The following INPP5B variants were observed in gnomAD, a reference collection of about 807,000 sequenced individuals.
The protein encoded by INPP5B is type II inositol 1,4,5-trisphosphate 5-phosphatase.
In INPP5B, 90 loss-of-function variants were observed where a neutral mutation model predicts 118.5. That is an observed-to-expected ratio of 0.76 (90% confidence interval 0.64 to 0.90). The LOEUF (loss-of-function observed/expected upper bound fraction) is 0.90, where lower values mean the gene tolerates loss of function less well. Among genes scored for constraint, INPP5B ranks in the 40% least tolerant of loss-of-function variants. The pLI, the probability that INPP5B is intolerant of heterozygous loss-of-function variation, is 0.00. For synonymous variants in INPP5B, 385 were observed against 418.9 expected (o/e 0.92, Z 0.99); for missense variants, 984 against 1,125.6 (o/e 0.87, Z 1.80).
intron 9 of INPP5B, 76 bp downstream of exon 9, chr1:37,889,481 T>G: frequency 9.0e-7 from 1 of 1,115,380 alleles, no homozygotes; most frequent in Non-Finnish European, 1.3e-6. Context: ...AATCCAGGTA[T>G]AGGAGGAAGT....
At chr1:37,872,872 G>A in intron 19 of INPP5B, 58 bp downstream of exon 19, 1 of 1,337,856 alleles carries the variant, frequency 7.5e-7, no homozygotes. Flanking sequence ...GGAATATCTT[G>A]TTTGACTGGC....
At chr1:37,919,437 A>G (rs1237792230) in intron 7 of INPP5B, among the ~76,000 whole-genome samples, 1 of 152,134 alleles carries the variant, frequency 6.6e-6, no homozygotes, top group Non-Finnish European at 1.5e-5. Context: ...TTAAGTGAGT[A>G]GGTTCAATGT....
rs34131982 is a variant in INPP5B at position 37,872,063 on chromosome 1, C to CAA, written c.2187+865_2187+866dup. On this transcript the variant is annotated intron_variant, in intron 19 of 23. Coordinates refer to ENST00000373024, the MANE Select transcript of INPP5B (RefSeq NM_005540.3). Reference sequence around the variant, plus strand: ...TGGACAACAGAGTGAGACTCCATCTCAAAAAAAAAAAAAAAAAAAAAAGCC... The same window carrying CAA: ...TGGACAACAGAGTGAGACTCCATCTCAAAAAAAAAAAAAAAAAAAAAAAAGCC... 4.5e-3 allele frequency among the ~76,000 whole-genome samples: 264 copies of CAA among 58,100 alleles called. 6 individuals are homozygous for CAA. Among genetic ancestry groups the CAA allele is most frequent in the African/African-American group, 5.7e-3 (84 of 14,826 alleles). The allele number at this position is 58,100 out of a possible 152,430, so 38.1% of individuals were successfully genotyped here.
rs149681431 is a variant in INPP5B at position 37,911,850 on chromosome 1, T to C, written c.532+20063A>G. 2.0e-3 allele frequency among the ~76,000 whole-genome samples: 303 copies of C among 152,322 alleles called. 2 individuals carry two copies. Among genetic ancestry groups the C allele is most frequent in the African/African-American group, 6.9e-3 (288 of 41,566 alleles). Reference sequence around the variant, plus strand: ...GCCATCAAAAGGCATCAGATCCCACTGCTCAGGGCAACGCTTATGCTGATA... The same window carrying C: ...GCCATCAAAAGGCATCAGATCCCACCGCTCAGGGCAACGCTTATGCTGATA... On this transcript the variant is annotated intron_variant, in intron 7 of 23. Transcript: ENST00000373024.
chr1:37,864,487 A>AGTC, intron 22 of INPP5B, 64 bp from the exon 23 acceptor site: 2 of 979,430 alleles, frequency 2.0e-6, no homozygotes, highest in South Asian at 2.7e-5. Flanking sequence ...TGCCTACTAT[A>AGTC]GTCCAAGAAC....
intron 15 of INPP5B, among the ~76,000 whole-genome samples, chr1:37,878,694 G>C (rs2148484708): frequency 6.6e-6 from 1 of 151,834 alleles, no homozygotes; most frequent in South Asian, 2.1e-4. Flanking sequence ...CTGTCGCCCA[G>C]GCTGGAGTGC....
intron 7 of INPP5B, among the ~76,000 whole-genome samples, chr1:37,920,465 G>C (rs1489899967): frequency 6.6e-6 from 1 of 151,996 alleles, no homozygotes; most frequent in Non-Finnish European, 1.5e-5. Context: ...AGGAGTTCGA[G>C]ACCAACCTGG....
chr1:37,933,138 T>A (rs527303285), intron 6 of INPP5B, among the ~76,000 whole-genome samples: 1 of 152,348 alleles, frequency 6.6e-6, no homozygotes, highest in African/African-American at 2.4e-5. Flanking sequence ...TTAAGTTGTC[T>A]TCAGCATTTA....
intron 7 of INPP5B, among the ~76,000 whole-genome samples, chr1:37,906,565 C>G (rs1644507147): frequency 6.6e-6 from 1 of 151,912 alleles, no homozygotes; most frequent in Admixed American, 6.6e-5. Flanking sequence ...GTTTCAAAAA[C>G]TATGGTTAGG....
chr1:37,897,178 G>A (rs1385291837), intron 7 of INPP5B, among the ~76,000 whole-genome samples: 24 of 148,540 alleles, frequency 1.6e-4, no homozygotes, highest in Non-Finnish European at 2.7e-4. Flanking sequence ...GCCTGGCCGC[G>A]CCTACTGGGA....
At position 37,918,062 on chromosome 1, in the gene INPP5B, G is replaced by T. The variant is rs535608118; in HGVS notation, c.532+13851C>A. On this transcript the variant is annotated intron_variant, in intron 7 of 23. Transcript: ENST00000373024. Reference sequence around the variant, plus strand: ...CACCATCATTCTTCCTATCAGCCAGGTGTACAGTCTTGCCATCGGCTCACC... The same window carrying T: ...CACCATCATTCTTCCTATCAGCCAGTTGTACAGTCTTGCCATCGGCTCACC... 2.6e-5 allele frequency among the ~76,000 whole-genome samples: 4 copies of T among 152,266 alleles called. No homozygotes were observed. The South Asian group carries it at 8.3e-4, about 32-fold the overall frequency.
At chr1:37,924,053 C>T (rs1645143063) in intron 7 of INPP5B, among the ~76,000 whole-genome samples, 1 of 152,070 alleles carries the variant, frequency 6.6e-6, no homozygotes, top group Non-Finnish European at 1.5e-5. Flanking sequence ...GCTGAGATTA[C>T]AGGCCTGAGC....
intron 5 of INPP5B, chr1:37,941,958 A>AAAATATATATATATATATAT (rs1427344681): frequency 3.3e-5 from 1 of 30,356 alleles, no homozygotes; most frequent in South Asian, 8.4e-4. Flanking sequence ...AAAAAAAAAA[A>AAAATATATATATATATATAT]ATATATATAT....
rs28702023 is a variant in INPP5B at position 37,901,427 on chromosome 1, A to C, written c.533-9973T>G. Among the ~76,000 whole-genome samples, 820 of 152,172 alleles carry C rather than the reference A, an allele frequency of 5.4e-3. 5 individuals are homozygous for C. The highest frequency in any genetic ancestry group is 0.019 in the African/African-American group (792 of 41,516). ...GGCACCTGCACTTTTCAAACTAAGGAGTTATGAGGAAGTGCTCTGCTTCTG... is the reference window on the plus strand; with the variant it reads ...GGCACCTGCACTTTTCAAACTAAGGCGTTATGAGGAAGTGCTCTGCTTCTG... On this transcript the variant is annotated intron_variant, in intron 7 of 23. Coordinates refer to ENST00000373024, the MANE Select transcript of INPP5B (RefSeq NM_005540.3).
Position 37,931,963 on chromosome 1 carries a change from C to A in INPP5B, c.482G>T (p.Gly161Val), listed in dbSNP as rs769545403. 5.2e-5 allele frequency: 84 copies of A among 1,614,046 alleles called. 1 individual carries two copies. In the South Asian group the frequency reaches 8.3e-4, roughly 16 times the overall value. Reference protein sequence around the residue: ...ELELEMPTPRGCNSALVTWPG... With the variant: ...ELELEMPTPRVCNSALVTWPG... ...CCAGGTAACTAGGGCCGAGTTACAACCGCGCGGCGTTGGCATCTCCAGCTC... is the reference window on the plus strand; with the variant it reads ...CCAGGTAACTAGGGCCGAGTTACAAACGCGCGGCGTTGGCATCTCCAGCTC... The change falls in exon 7 of 24, where the codon GGT becomes GTT. Residue 161 changes from glycine (G) to valine (V), a missense_variant. Around this residue, in one of 2 missense-constraint regions of INPP5B, gnomAD observed 350 missense variants for 334.6 expected, o/e 1.05. Coordinates refer to ENST00000373024, the MANE Select transcript of INPP5B (RefSeq NM_005540.3).
Position 37,941,121 on chromosome 1 carries a change from A to G in INPP5B, c.281-323T>C, listed in dbSNP as rs942771012. ...CCCCTCCCGATGAAATGAAAAGCAC[A>G]TAGAGGCAGACAAGAGGGAATGTCC... is the stretch of plus-strand genomic sequence containing the variant. On this transcript the variant is annotated intron_variant, in intron 5 of 23. Transcript: ENST00000373024. Among the ~76,000 whole-genome samples the G allele has an allele frequency of 2.0e-5, 3 of 152,102 alleles. No homozygotes were observed. The South Asian group carries it at 6.2e-4, about 32-fold the overall frequency.
At chr1:37,862,706 T>C (rs1001939424) in intron 23 of INPP5B, among the ~76,000 whole-genome samples, 2 of 152,146 alleles carry the variant, frequency 1.3e-5, no homozygotes, top group Non-Finnish European at 2.9e-5. Flanking sequence ...TCCAAATATA[T>C]CTAAACATAG....
At position 37,938,295 on chromosome 1, in the gene INPP5B, A is replaced by AAATAAATAAATC. The variant is rs1553162613; in HGVS notation, c.391+2392_391+2393insGATTTATTTATT. The stretch of plus-strand genomic sequence containing the variant: ...AAAATAAATAAATAAATAAATAAAT[A>AAATAAATAAATC]AATAAATAAAATTAACATTAAATTT... On this transcript the variant is annotated intron_variant, in intron 6 of 23. Transcript: ENST00000373024. 3.9e-3 allele frequency among the ~76,000 whole-genome samples: 592 copies of AAATAAATAAATC among 151,246 alleles called. 2 individuals are homozygous for AAATAAATAAATC. The highest frequency in any genetic ancestry group is 6.9e-3 in the Middle Eastern group (2 of 290).
At position 37,885,811 on chromosome 1, in the gene INPP5B, G is replaced by T. The variant is rs376013298; in HGVS notation, c.1146C>A (p.Gly382=). ...TGTGGAACTGGAACCTGATCGCCAC[G>T]CCTCCCTTGTTGCCCTATGGAAAGG... is the stretch of plus-strand genomic sequence containing the variant. The part of the protein sequence containing the change: ...GIMGRMGNKG[G]VAIRFQFHNT... Residue 382 remains glycine (G), a synonymous_variant, in exon 13 of 24, where the codon GGC becomes GGA. Transcript: ENST00000373024. The T allele has an allele frequency of 6.2e-7, 1 of 1,613,902 alleles. No homozygotes were observed. The highest frequency in any genetic ancestry group is 1.1e-5 in the South Asian group (1 of 91,078).
Sources: gnomAD v4.1 joint callset for allele counts (sites outside exome capture counted in the v4.1 genomes callset) on GRCh38, gnomAD v4.1.1 for gene constraint, gnomAD v4.1.1 regional missense constraint, MANE v1.5 for transcripts, NCBI Gene and HGNC (gene_info 2026-07-23, HGNC 2026-07-21) for gene names.